The following PTPRD variants were observed in gnomAD, a reference collection of about 807,000 sequenced individuals.
PTPRD encodes the protein receptor-type tyrosine-protein phosphatase delta.
A neutral mutation model predicts 214.5 loss-of-function variants in PTPRD; 34 were observed. The ratio of observed to expected loss-of-function variants is 0.16; its 90% confidence interval spans 0.12 to 0.21. The LOEUF is 0.21. PTPRD is among the 10% of genes least tolerant of loss of function. PTPRD has a pLI of 1.00. For synonymous variants in PTPRD, 1,128 were observed against 845.7 expected, an observed-to-expected ratio of 1.33 and a Z score of -5.79; for missense variants, 2,545 against 2,398.7, an observed-to-expected ratio of 1.06 and a Z score of -1.27.
chr9:8,509,083 G>A (rs1666778825), intron 21 of PTPRD, among the ~76,000 whole-genome samples: 1 of 152,034 alleles, frequency 6.6e-6, no homozygotes, highest in South Asian at 2.1e-4. Context: ...CTTCTGAACA[G>A]AGTATCACAT....
intron 5 of PTPRD, among the ~76,000 whole-genome samples, chr9:9,796,969 G>A (rs1430355641): frequency 1.3e-5 from 2 of 152,086 alleles, no homozygotes; most frequent in Admixed American, 6.6e-5. Flanking sequence ...AAGGATGGTG[G>A]TAAACTCAGT....
intron 2 of PTPRD, among the ~76,000 whole-genome samples, chr9:10,378,820 A>C (rs1428287088): frequency 6.6e-6 from 1 of 152,054 alleles, no homozygotes; most frequent in Non-Finnish European, 1.5e-5. Context: ...GTTCCATATA[A>C]ATTGCAGAAT....
At chr9:8,748,861 G>C (rs1035652725) in intron 11 of PTPRD, among the ~76,000 whole-genome samples, 3 of 152,086 alleles carry the variant, frequency 2.0e-5, no homozygotes, top group African/African-American at 7.2e-5. Flanking sequence ...GGTAAGCCAA[G>C]ATTGCGCCAG....
At chr9:9,658,867 T>C (rs534911481) in intron 7 of PTPRD, among the ~76,000 whole-genome samples, 53 of 152,244 alleles carry the variant, frequency 3.5e-4, no homozygotes, top group African/African-American at 1.3e-3. Flanking sequence ...ATATTGAACA[T>C]TGAAGCCCAG....
In PTPRD at chr9:8,507,376, G is replaced by A. The variant is rs142877512; in HGVS notation, c.1602C>T (p.Leu534=). 5 of 1,613,906 alleles carry A rather than the reference G, an allele frequency of 3.1e-6. No homozygotes were observed. The highest frequency in any genetic ancestry group is 4.2e-6 in the Non-Finnish European group (5 of 1,179,894). The change falls in exon 22 of 46, where the codon CTC becomes CTT. Residue 534 remains leucine, a synonymous_variant. Coordinates refer to ENST00000381196, the MANE Select transcript of PTPRD (RefSeq NM_002839.4). ...AEPESETSIL[L]SWTPPRSDTI... is the part of the protein sequence containing the mutation. ...TATCTGAACGTGGAGGTGTCCAAGAGAGCAAAATACTTGTTTCAGACTCAG... is the reference window on the plus strand; with the variant it reads ...TATCTGAACGTGGAGGTGTCCAAGAAAGCAAAATACTTGTTTCAGACTCAG...
At chr9:10,586,990 G>A (rs1218421915) in intron 2 of PTPRD, among the ~76,000 whole-genome samples, 1 of 151,836 alleles carries the variant, frequency 6.6e-6, no homozygotes, top group African/African-American at 2.4e-5. Context: ...GTGAAGACAG[G>A]CTATTTCACC....
intron 2 of PTPRD, among the ~76,000 whole-genome samples, chr9:10,392,213 A>G (rs990072434): frequency 1.2e-4 from 19 of 152,004 alleles, no homozygotes; most frequent in Admixed American, 1.2e-3. Context: ...GCAAAGATAT[A>G]ATCATGCATA....
chr9:8,490,839 A>G (rs1420378648), intron 27 of PTPRD, among the ~76,000 whole-genome samples: 1 of 152,228 alleles, frequency 6.6e-6, no homozygotes, highest in Non-Finnish European at 1.5e-5. Flanking sequence ...TCCCACAATC[A>G]GGAAGTTTAC....
At chr9:8,979,296 C>A (rs1341073948) in intron 11 of PTPRD, among the ~76,000 whole-genome samples, 1 of 151,950 alleles carries the variant, frequency 6.6e-6, no homozygotes, top group Admixed American at 6.6e-5. Context: ...ATAATAATAT[C>A]ATGATATAAA....
intron 3 of PTPRD, among the ~76,000 whole-genome samples, chr9:10,211,082 A>C (rs995867052): frequency 6.6e-6 from 1 of 151,926 alleles, no homozygotes; most frequent in Non-Finnish European, 1.5e-5. Flanking sequence ...TTAATATTTA[A>C]TATATCTTGG....
intron 2 of PTPRD, among the ~76,000 whole-genome samples, chr9:10,536,645 C>T (rs374371282): frequency 6.6e-6 from 1 of 152,084 alleles, no homozygotes; most frequent in East Asian, 1.9e-4. Flanking sequence ...GTAAAAAATG[C>T]ACACTCCACG....
At chr9:9,992,207 A>T (rs964385572) in intron 4 of PTPRD, among the ~76,000 whole-genome samples, 1 of 152,140 alleles carries the variant, frequency 6.6e-6, no homozygotes, top group African/African-American at 2.4e-5. Context: ...AAAACCACTG[A>T]ATTGTGTGTT....
At chr9:10,334,601 G>T (rs780133552) in intron 3 of PTPRD, among the ~76,000 whole-genome samples, 2 of 151,540 alleles carry the variant, frequency 1.3e-5, no homozygotes, top group Non-Finnish European at 3.0e-5. Context: ...TACTTTGTTT[G>T]AGAAGGAAGA....
At chr9:9,498,464 C>A (rs932729660) in intron 8 of PTPRD, among the ~76,000 whole-genome samples, 1 of 152,102 alleles carries the variant, frequency 6.6e-6, no homozygotes, top group Non-Finnish European at 1.5e-5. Context: ...CATATCTCAG[C>A]TCAGGGAACT....
chr9:10,208,214 G>A (rs2099493868), intron 3 of PTPRD, among the ~76,000 whole-genome samples: 1 of 151,888 alleles, frequency 6.6e-6, no homozygotes, highest in African/African-American at 2.4e-5. Flanking sequence ...CTGGTAGTGA[G>A]GTATAAGACT....
intron 9 of PTPRD, among the ~76,000 whole-genome samples, 154 bp downstream of exon 9, chr9:9,397,295 G>C (rs1374861875): frequency 2.0e-5 from 3 of 151,940 alleles, no homozygotes; most frequent in Non-Finnish European, 1.5e-5. Flanking sequence ...TAATTGAAAA[G>C]AAGAAACAAA....
intron 11 of PTPRD, among the ~76,000 whole-genome samples, chr9:8,904,443 G>A (rs1347219443): frequency 6.6e-6 from 1 of 152,114 alleles, no homozygotes; most frequent in African/African-American, 2.4e-5. Context: ...AGACTGAGGT[G>A]GGCAGATCAC....
chr9:9,927,618 A>G (rs916463750), intron 5 of PTPRD, among the ~76,000 whole-genome samples: 1 of 152,198 alleles, frequency 6.6e-6, no homozygotes, highest in Admixed American at 6.5e-5. Flanking sequence ...GTGTGTGTAC[A>G]TAATAACATA....
chr9:9,603,436 AT>A (rs2093925701), intron 7 of PTPRD, among the ~76,000 whole-genome samples: 2 of 152,298 alleles, frequency 1.3e-5, no homozygotes, highest in Non-Finnish European at 2.9e-5. Context: ...TATAAGCCAT[AT>A]TAGGCTATAA....
Sources: allele counts gnomAD v4.1 joint callset (sites outside exome capture counted in the v4.1 genomes callset), GRCh38; gene constraint gnomAD v4.1.1; transcripts MANE v1.5; gene names NCBI Gene and HGNC (gene_info 2026-07-23, HGNC 2026-07-21).